MAF: variants seen among roughly 807,000 people sequenced by gnomAD.
MAF encodes MAF bZIP transcription factor, also known as transcription factor Maf.
MAF carries 10 observed loss-of-function variants against 22.0 expected under a neutral mutation model. The ratio of observed to expected loss-of-function variants is 0.45; its 90% confidence interval spans 0.28 to 0.77. MAF has a LOEUF of 0.77. Among genes scored for constraint, MAF ranks in the 30% least tolerant of loss-of-function variants. The pLI, the probability that MAF is intolerant of heterozygous loss-of-function variation, is 0.12. For missense variants in MAF, 544 were observed against 548.4 expected, an observed-to-expected ratio of 0.99 and a Z score of 0.08; for synonymous variants, 337 against 255.8, an observed-to-expected ratio of 1.32 and a Z score of -3.03.
chr16:79,550,762 T>G, the MAF span, among the ~76,000 whole-genome samples: 1 of 145,794 alleles, frequency 6.9e-6, no homozygotes. Context: ...AGAGGAAGAG[T>G]CTCCTGAAAT....
At chr16:79,534,695 T>A in the MAF span, among the ~76,000 whole-genome samples, 1 of 151,840 alleles carries the variant, frequency 6.6e-6, no homozygotes, top group Admixed American at 6.6e-5. Flanking sequence ...ATGTAACAAA[T>A]CTGCATGTTG....
the MAF span, among the ~76,000 whole-genome samples, chr16:79,409,170 C>T: frequency 0.34 from 52,181 of 151,700 alleles, 10,989 homozygotes; most frequent in East Asian, 0.84. Flanking sequence ...TCTTTTTAGG[C>T]GCCTTATAAA....
intron 1 of MAF, chr16:79,595,892 C>T: frequency 9.5e-7 from 1 of 1,058,164 alleles, no homozygotes. Context: ...TTTTCTTTTT[C>T]CTATTTAAGA....
chr16:79,245,107 A>G, the MAF span, among the ~76,000 whole-genome samples: 1 of 152,032 alleles, frequency 6.6e-6, no homozygotes, highest in Admixed American at 6.6e-5. Context: ...CTAAAACCCT[A>G]AGAACCCTAG....
At chr16:79,598,581 GGTGTGTGTGT>G (rs5818250) in intron 1 of MAF, 194 bp downstream of exon 1, 68 of 1,410,666 alleles carry the variant, frequency 4.8e-5, no homozygotes, top group Admixed American at 1.2e-4. Flanking sequence ...CAGGGTGTGG[GGTGTGTGTGT>G]GTGTGTGTGT....
At chr16:79,450,309 G>A in the MAF span, among the ~76,000 whole-genome samples, 6 of 152,140 alleles carry the variant, frequency 3.9e-5, no homozygotes, top group Admixed American at 3.3e-4. Flanking sequence ...TATTGGCTCT[G>A]CTTTTTAACG....
At chr16:79,483,852 T>A in the MAF span, among the ~76,000 whole-genome samples, 2 of 152,186 alleles carry the variant, frequency 1.3e-5, no homozygotes, top group Non-Finnish European at 2.9e-5. Context: ...GTGGTCTTAT[T>A]CGACAGGCAG....
chr16:79,598,217 G>A (rs2143788231), intron 1 of MAF: 1 of 1,059,178 alleles, frequency 9.4e-7, no homozygotes, highest in East Asian at 5.2e-5. Flanking sequence ...AGTGAGGGTG[G>A]AGGTTGGAAA....
the MAF span, among the ~76,000 whole-genome samples, chr16:79,542,127 T>C: frequency 2.0e-5 from 3 of 152,178 alleles, no homozygotes; most frequent in Non-Finnish European, 1.5e-5. Context: ...CTAATGACAA[T>C]TCAGCGGCAG....
chr16:79,207,608 G>A, the MAF span, among the ~76,000 whole-genome samples: 2 of 152,158 alleles, frequency 1.3e-5, no homozygotes, highest in South Asian at 4.1e-4. Context: ...ATGATATTGT[G>A]TCTATTTTTT....
At chr16:79,211,985 T>TCA in the MAF span, 2 of 1,531,792 alleles carry the variant, frequency 1.3e-6, no homozygotes, top group Non-Finnish European at 1.7e-6. Context: ...GGGTAAAGTA[T>TCA]CACTTTTCTG....
the MAF span, among the ~76,000 whole-genome samples, chr16:79,543,445 G>T: frequency 1.3e-5 from 2 of 152,220 alleles, no homozygotes; most frequent in African/African-American, 4.8e-5. Flanking sequence ...CAAAGAGCAT[G>T]TGGTGGACAC....
At position 79,598,066 on chromosome 16, in the gene MAF, G is replaced by C. The variant is rs1407409188; in HGVS notation, c.1118+719C>G. On this transcript the variant is annotated intron_variant, in intron 1 of 1. Coordinates refer to ENST00000326043, the MANE Select transcript of MAF (RefSeq NM_005360.5). ...AACAATGCTAAAAAAAAAACCCGAT[G>C]GAACTCGGCACGCTGCAAGTCTATA... 4 of 1,043,602 alleles carry C rather than the reference G, an allele frequency of 3.8e-6. No individual in the cohort carries two copies. In the African/African-American group the frequency reaches 6.7e-5, roughly 17 times the overall value. The allele number at this position is 1,043,602 out of a possible 1,614,324, so 64.6% of individuals were successfully genotyped here. A position where few individuals can be genotyped will look rare whatever the true frequency, so the allele number is the denominator to read the frequency against.
chr16:79,503,014 T>C, the MAF span, among the ~76,000 whole-genome samples: 4 of 151,962 alleles, frequency 2.6e-5, no homozygotes, highest in Non-Finnish European at 5.9e-5. Context: ...TCAAAGTATG[T>C]AAAAATCAGT....
the MAF span, chr16:79,206,317 A>T: frequency 2.6e-5 from 4 of 152,224 alleles, no homozygotes; most frequent in East Asian, 5.8e-4. Context: ...CCACGTGCAA[A>T]TATTTGTGTC....
the MAF span, among the ~76,000 whole-genome samples, chr16:79,556,376 C>T: frequency 6.6e-6 from 1 of 152,226 alleles, no homozygotes; most frequent in South Asian, 2.1e-4. Flanking sequence ...CCCTGAAAGT[C>T]CACAGGTTTG....
chr16:79,460,000 C>T, the MAF span, among the ~76,000 whole-genome samples: 5 of 152,138 alleles, frequency 3.3e-5, no homozygotes, highest in East Asian at 3.8e-4. Context: ...AATATTCATC[C>T]CTTTCACCAG....
At chr16:79,214,994 G>A in the MAF span, among the ~76,000 whole-genome samples, 2 of 152,094 alleles carry the variant, frequency 1.3e-5, no homozygotes, top group East Asian at 1.9e-4. Context: ...ACAGGTGTGA[G>A]CTACCATGCT....
chr16:79,366,556 C>T, the MAF span, among the ~76,000 whole-genome samples: 1 of 152,188 alleles, frequency 6.6e-6, no homozygotes, highest in African/African-American at 2.4e-5. Context: ...CTTACCATCC[C>T]TTGCAGTTAG....
Sources: allele counts gnomAD v4.1 joint callset (sites outside exome capture counted in the v4.1 genomes callset), GRCh38; gene constraint gnomAD v4.1.1; transcripts MANE v1.5; gene names NCBI Gene and HGNC (gene_info 2026-07-23, HGNC 2026-07-21).